Variants in PHF24 observed in about 807,000 individuals in gnomAD.
PHF24 encodes PHD finger protein 24, also known as Galpha inhibitory interacting protein.
PHF24 carries 25 observed loss-of-function variants against 42.6 expected under a neutral mutation model. The ratio of observed to expected loss-of-function variants is 0.59; its 90% confidence interval spans 0.43 to 0.82. The LOEUF (loss-of-function observed/expected upper bound fraction) is 0.82. Ranked by LOEUF, PHF24 falls within the 40% of genes least tolerant of loss-of-function variation. The pLI is 0.00. For synonymous variants in PHF24, 185 were observed against 204.8 expected (o/e 0.90, Z 0.83); for missense variants, 470 against 538.1 (o/e 0.87, Z 1.25).
At chr9:34,863,043 T>A in the PHF24 span, among the ~76,000 whole-genome samples, 1 of 151,630 alleles carries the variant, frequency 6.6e-6, no homozygotes, top group Non-Finnish European at 1.5e-5. Context: ...CCTCTGCTTG[T>A]AGAAAGGGGA....
At chr9:34,979,952 G>A (rs1451761541) in exon 8 of PHF24, 4 of 152,212 alleles carry the variant, frequency 2.6e-5, no homozygotes, top group Non-Finnish European at 5.9e-5. Context: ...GGACTCCTGG[G>A]CCTAAGAACT....
chr9:34,765,644 C>T, the PHF24 span, among the ~76,000 whole-genome samples: 20 of 149,144 alleles, frequency 1.3e-4, no homozygotes, highest in Admixed American at 7.3e-4. Context: ...TGGGTCTTGA[C>T]TCTTTATCCA....
the PHF24 span, chr9:34,893,114 A>T: frequency 1.2e-6 from 1 of 857,956 alleles, no homozygotes; most frequent in Admixed American, 3.1e-5. Flanking sequence ...TGCACACAGG[A>T]TTCGCCGCAC....
chr9:34,701,266 G>T, the PHF24 span, among the ~76,000 whole-genome samples: 1 of 152,178 alleles, frequency 6.6e-6, no homozygotes, highest in African/African-American at 2.4e-5. This position sits in a 1 kb window ranked among gnomAD's most constrained non-coding sequence, Gnocchi z 5.8. Flanking sequence ...CAAGTTCGTG[G>T]TGGGGGTCGG....
At chr9:34,842,294 C>A in the PHF24 span, among the ~76,000 whole-genome samples, 1 of 152,160 alleles carries the variant, frequency 6.6e-6, no homozygotes, top group African/African-American at 2.4e-5. Context: ...CTGCTATGAA[C>A]ATTCATGTAC....
chr9:34,937,453 G>T, the PHF24 span, among the ~76,000 whole-genome samples: 1,057 of 152,216 alleles, frequency 6.9e-3, 8 homozygotes, highest in Middle Eastern at 0.024. Flanking sequence ...GAAGGCAGCA[G>T]GCTCGTTAAG....
the PHF24 span, among the ~76,000 whole-genome samples, chr9:34,926,759 G>A: frequency 1.4e-4 from 21 of 152,208 alleles, no homozygotes; most frequent in South Asian, 4.4e-3. The surrounding 1 kb of genome is among the most constrained non-coding windows in gnomAD (Gnocchi z 4.3). Flanking sequence ...GGATACTTCT[G>A]CTGGAGATGG....
the PHF24 span, among the ~76,000 whole-genome samples, chr9:34,751,669 T>C: frequency 4.3e-4 from 66 of 151,958 alleles, no homozygotes; most frequent in Admixed American, 1.0e-3. Context: ...CAAAGAAAAA[T>C]CAGACTTAAT....
At chr9:34,806,458 T>TTG in the PHF24 span, among the ~76,000 whole-genome samples, 2 of 152,238 alleles carry the variant, frequency 1.3e-5, no homozygotes, top group Non-Finnish European at 1.5e-5. Context: ...TTGGGGTTTT[T>TTG]TGTGTGTGTG....
chr9:34,758,550 T>C, the PHF24 span, among the ~76,000 whole-genome samples: 39 of 152,188 alleles, frequency 2.6e-4, no homozygotes, highest in South Asian at 3.7e-3. The surrounding 1 kb of genome is among the most constrained non-coding windows in gnomAD (Gnocchi z 4.4). Context: ...ATTGCGGCAT[T>C]CAGCAACCCT....
the PHF24 span, among the ~76,000 whole-genome samples, chr9:34,901,362 T>C: frequency 6.6e-6 from 1 of 152,242 alleles, no homozygotes; most frequent in East Asian, 1.9e-4. Context: ...CAAATCAAAT[T>C]CAGCAACATA....
At chr9:34,718,897 C>T in the PHF24 span, among the ~76,000 whole-genome samples, 1 of 152,202 alleles carries the variant, frequency 6.6e-6, no homozygotes, top group Admixed American at 6.5e-5. Flanking sequence ...CTGGAAAGCC[C>T]AAGAGAAGAG....
chr9:34,712,428 G>A, the PHF24 span, among the ~76,000 whole-genome samples: 1 of 151,936 alleles, frequency 6.6e-6, no homozygotes, highest in South Asian at 2.1e-4. Context: ...CTGTGATGAG[G>A]TACATTTGAT....
intron 1 of PHF24, 101 bp from the exon 2 acceptor site, chr9:34,971,194 G>A (rs988303823): frequency 7.6e-7 from 1 of 1,319,126 alleles, no homozygotes; most frequent in Non-Finnish European, 1.0e-6. Context: ...TCTAGAAGAG[G>A]GAGAAACTGT....
chr9:34,678,724 G>T, the PHF24 span, among the ~76,000 whole-genome samples: 1 of 151,878 alleles, frequency 6.6e-6, no homozygotes, highest in Non-Finnish European at 1.5e-5. Context: ...TCCACCTCCC[G>T]GGTTCAGGCA....
the PHF24 span, among the ~76,000 whole-genome samples, chr9:34,755,160 T>C: frequency 1.2e-3 from 183 of 152,254 alleles, 1 homozygote; most frequent in Non-Finnish European, 1.6e-3. Context: ...AGAGTGACTA[T>C]AGTCAATAAT....
At chr9:34,778,837 C>A in the PHF24 span, among the ~76,000 whole-genome samples, 1 of 152,164 alleles carries the variant, frequency 6.6e-6, no homozygotes, top group African/African-American at 2.4e-5. Flanking sequence ...GCACCTGGAA[C>A]AGTCTCCAGG....
chr9:34,977,360 T>G (rs1827233546), intron 6 of PHF24, 117 bp downstream of exon 6: 2 of 1,325,510 alleles, frequency 1.5e-6, no homozygotes, highest in Non-Finnish European at 2.1e-6. Context: ...GAGCCTCCTG[T>G]GCATTAGGTA....
the PHF24 span, chr9:34,723,155 C>T: frequency 6.8e-7 from 1 of 1,469,852 alleles, no homozygotes; most frequent in East Asian, 2.5e-5. Context: ...AGTTGGGGAG[C>T]CTATAAACTC....
Sources: allele counts gnomAD v4.1 joint callset (sites outside exome capture counted in the v4.1 genomes callset), GRCh38; gene constraint gnomAD v4.1.1; non-coding constraint Gnocchi (gnomAD v3.1); transcripts MANE v1.5; gene names NCBI Gene and HGNC (gene_info 2026-07-23, HGNC 2026-07-21).